The following SMARCC1 variants were observed in gnomAD, a reference collection of about 807,000 sequenced individuals.
SMARCC1 encodes SWI/SNF related BAF chromatin remodeling complex subunit C1.
In SMARCC1, 43 loss-of-function variants were observed where a neutral mutation model predicts 147.4. That is an observed-to-expected ratio of 0.29 (90% CI 0.23 to 0.38). The LOEUF (loss-of-function observed/expected upper bound fraction) is 0.38, where lower values mean the gene tolerates loss of function less well. SMARCC1 is among the 10% of genes least tolerant of loss of function. SMARCC1 has a pLI of 1.00. For synonymous variants in SMARCC1, 495 were observed against 484.4 expected, an observed-to-expected ratio of 1.02 and a Z score of -0.29; for missense variants, 1,119 against 1,381.1, an observed-to-expected ratio of 0.81 and a Z score of 3.01.
rs1559650534 is a variant in SMARCC1, at chr3:47,708,083, C to CTTTTTTTCTT, written c.919-1554_919-1553insAAGAAAAAAA. Among the ~76,000 whole-genome samples, 54 of 64,284 alleles carry CTTTTTTTCTT rather than the reference C, an allele frequency of 8.4e-4. 3 individuals carry two copies. The highest frequency in any genetic ancestry group is 1.5e-3 in the Admixed American group (6 of 4,058). The allele number at this position is 64,284 out of a possible 152,430, so 42.2% of individuals were successfully genotyped here. On this transcript the variant is annotated intron_variant, in intron 9 of 27. Coordinates refer to ENST00000254480, the MANE Select transcript of SMARCC1 (RefSeq NM_003074.4). The stretch of plus-strand genomic sequence containing the variant: ...GTAAATCTGAAGTTGAATTTTTTTT[C>CTTTTTTTCTT]TTTTTTTTTTTTTTTTTTTTTTTTT...
At chr3:47,766,075 G>C (rs1230040800) in intron 2 of SMARCC1, among the ~76,000 whole-genome samples, 1 of 152,068 alleles carries the variant, frequency 6.6e-6, no homozygotes, top group African/African-American at 2.4e-5. Flanking sequence ...ACAATTTTGG[G>C]CATAAGGGTA....
chr3:47,733,073 C>G (rs376678332), intron 5 of SMARCC1, among the ~76,000 whole-genome samples: 1 of 152,052 alleles, frequency 6.6e-6, no homozygotes, highest in Non-Finnish European at 1.5e-5. Flanking sequence ...CACCACTGCG[C>G]TCCAGCTGGG....
At chr3:47,652,739 T>C (rs550709045) in intron 21 of SMARCC1, among the ~76,000 whole-genome samples, 147 of 152,242 alleles carry the variant, frequency 9.7e-4, no homozygotes, top group Non-Finnish European at 1.8e-3. Flanking sequence ...GAAGTATTTT[T>C]TGTATGCCTA....
At chr3:47,626,470 AAAAAG>A (rs1200193789) in intron 24 of SMARCC1, among the ~76,000 whole-genome samples, 137 of 151,230 alleles carry the variant, frequency 9.1e-4, no homozygotes, top group Admixed American at 1.7e-3. Context: ...AAAAAAAAAA[AAAAAG>A]AAAGAAAGAA....
intron 2 of SMARCC1, among the ~76,000 whole-genome samples, chr3:47,760,719 T>C (rs2034763771): frequency 6.6e-6 from 1 of 152,044 alleles, no homozygotes; most frequent in African/African-American, 2.4e-5. Flanking sequence ...CAGCTGTGCG[T>C]GGTAGCTCAA....
chr3:47,633,777 T>TACACACAC (rs1207095997), intron 24 of SMARCC1, among the ~76,000 whole-genome samples: 19 of 46,516 alleles, frequency 4.1e-4, no homozygotes, highest in African/African-American at 1.3e-3. Context: ...TATATATATA[T>TACACACAC]ATACACACAC....
intron 2 of SMARCC1, among the ~76,000 whole-genome samples, chr3:47,769,210 CAAAAAAAAAA>C (rs1553692338): frequency 3.0e-5 from 1 of 33,102 alleles, no homozygotes; most frequent in Non-Finnish European, 5.3e-5. Flanking sequence ...GACTCCGTCT[CAAAAAAAAAA>C]AAAAAAAAAA....
At chr3:47,713,691 T>C (rs2106801556) in intron 8 of SMARCC1, among the ~76,000 whole-genome samples, 1 of 152,248 alleles carries the variant, frequency 6.6e-6, no homozygotes, top group Middle Eastern at 3.4e-3. Context: ...CCATGCCCCA[T>C]AAACTTTATT....
intron 25 of SMARCC1, 142 bp downstream of exon 25, chr3:47,622,065 G>T (rs929708778): frequency 4.1e-6 from 3 of 736,204 alleles, no homozygotes; most frequent in African/African-American, 3.6e-5. Flanking sequence ...TTTTGAAAGG[G>T]CAAATCAAAC....
intron 21 of SMARCC1, among the ~76,000 whole-genome samples, chr3:47,651,786 A>G (rs2033193542): frequency 6.6e-6 from 1 of 152,226 alleles, no homozygotes; most frequent in Admixed American, 6.5e-5. Context: ...TGTCCATCTT[A>G]CACTCTATAA....
intron 25 of SMARCC1, among the ~76,000 whole-genome samples, chr3:47,613,328 C>A (rs1357816824): frequency 6.6e-6 from 1 of 150,844 alleles, no homozygotes; most frequent in Non-Finnish European, 1.5e-5. Flanking sequence ...CTGAAAGATA[C>A]AAACTATTAA....
intron 25 of SMARCC1, among the ~76,000 whole-genome samples, chr3:47,616,140 G>T (rs555783246): frequency 1.3e-5 from 2 of 152,278 alleles, no homozygotes; most frequent in East Asian, 3.9e-4. Context: ...GGCTTATGTG[G>T]GGCCCAGGCC....
Position 47,772,867 on chromosome 3 carries a change from C to T in SMARCC1, c.265G>A (p.Glu89Lys). The T allele has an allele frequency of 6.2e-7, 1 of 1,613,584 alleles. No individual in the cohort carries two copies. The highest frequency in any genetic ancestry group is 8.5e-7 in the Non-Finnish European group (1 of 1,179,680). Residue 89 changes from glutamate to lysine, a missense_variant, in exon 2 of 28, where the codon GAA becomes AAA. Transcript: ENST00000254480. ...GTGACATGCTTCCCAAAGGCATCTTCCTGGAACTGAAGAAGCTGCACCACC... is the reference window on the plus strand; with the variant it reads ...GTGACATGCTTCCCAAAGGCATCTTTCTGGAACTGAAGAAGCTGCACCACC... ...GLVVQLLQFQ[E>K]DAFGKHVTNP...
chr3:47,615,366 T>C (rs1436972844), intron 25 of SMARCC1, among the ~76,000 whole-genome samples: 1 of 152,198 alleles, frequency 6.6e-6, no homozygotes, highest in Non-Finnish European at 1.5e-5. Context: ...AATCATTTTA[T>C]CTACCACAAA....
chr3:47,753,416 C>T (rs924341348), intron 2 of SMARCC1, among the ~76,000 whole-genome samples: 3 of 149,598 alleles, frequency 2.0e-5, no homozygotes, highest in Admixed American at 6.7e-5. Context: ...TTTATTTATT[C>T]ATAAAAGACA....
intron 6 of SMARCC1, among the ~76,000 whole-genome samples, chr3:47,728,744 A>G (rs1235703041): frequency 6.6e-6 from 1 of 152,078 alleles, no homozygotes; most frequent in Non-Finnish European, 1.5e-5. Context: ...TCTTGTCTCT[A>G]CTAAAAATAC....
At chr3:47,612,238 A>G (rs1220702743) in intron 25 of SMARCC1, among the ~76,000 whole-genome samples, 1 of 152,222 alleles carries the variant, frequency 6.6e-6, no homozygotes, top group African/African-American at 2.4e-5. Flanking sequence ...GGGAAATCTA[A>G]ATATTCTGGC....
intron 11 of SMARCC1, among the ~76,000 whole-genome samples, chr3:47,694,305 A>T (rs1019431878): frequency 1.3e-5 from 2 of 152,258 alleles, no homozygotes; most frequent in Non-Finnish European, 2.9e-5. Context: ...TTAAAATTTT[A>T]AAAACACAGC....
At chr3:47,707,577 T>C (rs1440480656) in intron 9 of SMARCC1, among the ~76,000 whole-genome samples, 1 of 151,904 alleles carries the variant, frequency 6.6e-6, no homozygotes, top group Non-Finnish European at 1.5e-5. Context: ...TAATCTAAAA[T>C]TAAAACATCA....
Sources: allele counts gnomAD v4.1 joint callset (sites outside exome capture counted in the v4.1 genomes callset), GRCh38; gene constraint gnomAD v4.1.1; transcripts MANE v1.5; gene names NCBI Gene and HGNC (gene_info 2026-07-23, HGNC 2026-07-21).